Variants in TIAM2 observed in about 807,000 individuals in gnomAD.
TIAM2 encodes TIAM Rac1 associated GEF 2, also known as rho guanine nucleotide exchange factor TIAM2.
A neutral mutation model predicts 152.9 loss-of-function variants in TIAM2; 80 were observed. That is an observed-to-expected ratio of 0.52 (90% CI 0.44 to 0.63). The LOEUF (loss-of-function observed/expected upper bound fraction) is 0.63, where lower values mean the gene tolerates loss of function less well. TIAM2 is among the 30% of genes least tolerant of loss of function. The pLI, the probability that TIAM2 is intolerant of heterozygous loss-of-function variation, is 0.00. For synonymous variants in TIAM2, 804 were observed against 838.0 expected (o/e 0.96, Z 0.70); for missense variants, 1,965 against 2,120.1 (o/e 0.93, Z 1.44).
intron 18 of TIAM2, among the ~76,000 whole-genome samples, chr6:155,245,417 C>T (rs984586806): frequency 5.9e-5 from 9 of 152,182 alleles, no homozygotes; most frequent in Admixed American, 2.6e-4. Context: ...TAGGCTCTGC[C>T]GCTGGAAACT....
At chr6:155,117,729 C>A (rs1215014116) in intron 2 of TIAM2, among the ~76,000 whole-genome samples, 2 of 152,156 alleles carry the variant, frequency 1.3e-5, no homozygotes, top group East Asian at 3.9e-4. Flanking sequence ...AGGCACGAGC[C>A]ACTGTGCCTG....
In TIAM2 at chr6:155,186,681, C is replaced by A. The variant is rs183280293; in HGVS notation, c.3064+3181C>A. On this transcript the variant is annotated intron_variant, in intron 14 of 26. Transcript: ENST00000682666. The surrounding 1 kb of genome is among the most constrained non-coding windows in gnomAD (Gnocchi z 4.5). ...AAACGTGCTTCTCCTCCTCCTCCCT[C>A]GCTTTTGCAGCTTCCTGTTTTATTA... 6.6e-6 allele frequency among the ~76,000 whole-genome samples: 1 copy of A among 152,304 alleles called. No homozygotes were observed. Among genetic ancestry groups the A allele is most frequent in the East Asian group, 1.9e-4 (1 of 5,188 alleles).
rs1273552310 is a variant in TIAM2 at position 155,214,423 on chromosome 6, C to CGAAGCAGCTGGTTTGAT, written c.3168+3126_3168+3142dup. Among the ~76,000 whole-genome samples, 2 of 152,056 alleles carry CGAAGCAGCTGGTTTGAT rather than the reference C, an allele frequency of 1.3e-5. No individual in the cohort carries two copies. Among genetic ancestry groups the CGAAGCAGCTGGTTTGAT allele is most frequent in the Admixed American group, 6.5e-5 (1 of 15,270 alleles). ...GCTTCAGAACGGATGCTTCTGGTTC[C>CGAAGCAGCTGGTTTGAT]GAAGCAGCTGGTTTGATGAAGCAGC... On this transcript the variant is annotated intron_variant, in intron 15 of 26. Coordinates refer to ENST00000682666, the MANE Select transcript of TIAM2 (RefSeq NM_012454.4). This position sits in a 1 kb window ranked among gnomAD's most constrained non-coding sequence, Gnocchi z 5.4.
chr6:155,255,078 T>C (rs1346203433), intron 26 of TIAM2: 3 of 155,448 alleles, frequency 1.9e-5, no homozygotes, highest in African/African-American at 4.8e-5. Flanking sequence ...CAGCATTCAA[T>C]ACATTTCATG....
intron 1 of TIAM2, among the ~76,000 whole-genome samples, chr6:155,039,925 T>C (rs1776989989): frequency 3.3e-5 from 5 of 152,196 alleles, no homozygotes; most frequent in Admixed American, 2.6e-4. Context: ...GAAAATGGTT[T>C]ATGCAGTTGA....
intron 1 of TIAM2, among the ~76,000 whole-genome samples, chr6:155,017,505 T>TC (rs1183322666): frequency 3.4e-5 from 2 of 59,532 alleles, no homozygotes; most frequent in Admixed American, 3.1e-4. Context: ...CTCCATTTTG[T>TC]CTTTTTTTTT....
At chr6:155,053,948 C>T (rs888034946) in intron 1 of TIAM2, among the ~76,000 whole-genome samples, 18 of 152,200 alleles carry the variant, frequency 1.2e-4, no homozygotes, top group Middle Eastern at 3.4e-3. Flanking sequence ...GAGGCTGAGG[C>T]GGGCAGATCA....
At chr6:155,130,805 T>C (rs1007569848) in intron 4 of TIAM2, among the ~76,000 whole-genome samples, 1 of 152,224 alleles carries the variant, frequency 6.6e-6, no homozygotes, top group Non-Finnish European at 1.5e-5. Context: ...GCCTTCTCAC[T>C]GTGTCCTCAT....
At chr6:155,255,408 T>C (rs532518980) in intron 26 of TIAM2, 3 of 152,326 alleles carry the variant, frequency 2.0e-5, no homozygotes, top group African/African-American at 7.2e-5. Context: ...TTAACTATTT[T>C]GTTATTATCT....
At chr6:155,067,831 G>C (rs1045507718) in intron 1 of TIAM2, among the ~76,000 whole-genome samples, 1 of 152,002 alleles carries the variant, frequency 6.6e-6, no homozygotes, top group African/African-American at 2.4e-5. Context: ...TTGTAGTGAC[G>C]GGCTTTTCCC....
chr6:155,249,039 A>T (rs1783498316), intron 20 of TIAM2, among the ~76,000 whole-genome samples: 1 of 152,230 alleles, frequency 6.6e-6, no homozygotes, highest in Admixed American at 6.5e-5. Context: ...AATTATGTTC[A>T]GCATTCATAC....
chr6:155,213,228 G>A lies in TIAM2; in HGVS notation c.3168+1921G>A, dbSNP rs1338095305. 6.6e-6 allele frequency among the ~76,000 whole-genome samples: 1 copy of A among 152,210 alleles called. No individual in the cohort carries two copies. Among genetic ancestry groups the A allele is most frequent in the Non-Finnish European group, 1.5e-5 (1 of 68,042 alleles). ...AGGAAGAAGGAGGTATGCGGGCAAG[G>A]GGAGGGTGAGCAAGGTGAAGAGGAG... On this transcript the variant is annotated intron_variant, in intron 15 of 26. Transcript: ENST00000682666. The surrounding 1 kb of genome is among the most constrained non-coding windows in gnomAD (Gnocchi z 4.2).
chr6:155,058,755 A>C (rs1777505133), intron 1 of TIAM2, among the ~76,000 whole-genome samples: 1 of 152,218 alleles, frequency 6.6e-6, no homozygotes. Context: ...CATGATGATG[A>C]TCATTACCCA....
At chr6:155,220,577 T>C (rs1782008995) in intron 15 of TIAM2, among the ~76,000 whole-genome samples, 1 of 136,796 alleles carries the variant, frequency 7.3e-6, no homozygotes, top group African/African-American at 2.5e-5. Flanking sequence ...ATTGCCCTTC[T>C]TCCCCTTTCC....
chr6:155,168,260 T>TA (rs1456104054), intron 9 of TIAM2, among the ~76,000 whole-genome samples: 1 of 152,168 alleles, frequency 6.6e-6, no homozygotes, highest in Non-Finnish European at 1.5e-5. Context: ...CTGTGCACAT[T>TA]AAAAAAAGTA....
rs747483957 is a variant in TIAM2, at chr6:155,211,280, C to A, written c.3141C>A (p.His1047Gln). ...ATGGCACTCTGGATCAGGTTTCCCA[C>A]AGGGAGAAAATGGAGCAGACATTCA... ...QTDGTLDQVS[H>Q]REKMEQTFRS... Residue 1047 changes from histidine to glutamine, a missense_variant, in exon 15 of 27, where the codon CAC (histidine) becomes CAA (glutamine). Physicochemically the swap from His to Gln is conservative, Grantham distance 24. Around this residue, in one of 3 missense-constraint regions of TIAM2, gnomAD observed 935 missense variants for 980.0 expected, o/e 0.95. Transcript: ENST00000682666. 6.2e-7 allele frequency: 1 copy of A among 1,613,492 alleles called. No individual in the cohort carries two copies. The highest frequency in any genetic ancestry group is 2.2e-5 in the East Asian group (1 of 44,874).
At chr6:155,131,028 T>C (rs1309764195) in intron 4 of TIAM2, among the ~76,000 whole-genome samples, 1 of 152,196 alleles carries the variant, frequency 6.6e-6, no homozygotes, top group African/African-American at 2.4e-5. Context: ...TCTGTGCATG[T>C]CCCTGCACTC....
intron 9 of TIAM2, 127 bp downstream of exon 9, chr6:155,165,536 A>T: frequency 1.5e-6 from 2 of 1,331,962 alleles, no homozygotes; most frequent in Non-Finnish European, 2.0e-6. Context: ...GGGGTGGCTC[A>T]CGCCTGTAAT....
At position 155,164,133 on chromosome 6, in the gene TIAM2, G is replaced by GTTTTTTTTTTTTT. The variant is rs375238178; in HGVS notation, c.2029-270_2029-269insTTTTTTTTTTTTT. ...TGGCACCACACCAGCTAATTTTTGT[G>GTTTTTTTTTTTTT]TTTTTTTTTTTTCTTTTTTTTAGTA... On this transcript the variant is annotated intron_variant, in intron 7 of 26. Transcript: ENST00000682666. Among the ~76,000 whole-genome samples the GTTTTTTTTTTTTT allele has an allele frequency of 3.4e-3, 400 of 117,992 alleles. 45 individuals carry two copies. Among genetic ancestry groups the GTTTTTTTTTTTTT allele is most frequent in the South Asian group, 4.4e-3 (14 of 3,160 alleles). The allele number at this position is 117,992 out of a possible 152,430, so 77.4% of individuals were successfully genotyped here.
Sources: gnomAD v4.1 joint callset for allele counts (sites outside exome capture counted in the v4.1 genomes callset) on GRCh38, gnomAD v4.1.1 for gene constraint, gnomAD v4.1.1 regional missense constraint, Gnocchi (gnomAD v3.1) non-coding constraint, MANE v1.5 for transcripts, NCBI Gene and HGNC (gene_info 2026-07-23, HGNC 2026-07-21) for gene names.